TEAD4: variants seen among roughly 807,000 people sequenced by gnomAD.
TEAD4 encodes the protein transcriptional enhancer factor TEF-3.
A neutral mutation model predicts 52.4 loss-of-function variants in TEAD4; 36 were observed. The ratio of observed to expected loss-of-function variants is 0.69; its 90% CI spans 0.53 to 0.91. The LOEUF (loss-of-function observed/expected upper bound fraction) is 0.91, where lower values mean the gene tolerates loss of function less well. TEAD4 is among the 40% of genes least tolerant of loss of function. The probability of loss-of-function intolerance (pLI) is 0.00; values close to 1 mark genes in which losing one functional copy is unlikely to be tolerated. For synonymous variants in TEAD4, 220 were observed against 231.0 expected, an observed-to-expected ratio of 0.95 and a Z score of 0.43; for missense variants, 508 against 583.9, an observed-to-expected ratio of 0.87 and a Z score of 1.34.
At chr12:3,036,174 A>C (rs982049307) in intron 10 of TEAD4, among the ~76,000 whole-genome samples, 1 of 152,176 alleles carries the variant, frequency 6.6e-6, no homozygotes, top group South Asian at 2.1e-4. Flanking sequence ...AGGCAGGTGC[A>C]CTGAACCATA....
chr12:3,009,753 C>T (rs957214265), intron 3 of TEAD4, among the ~76,000 whole-genome samples: 26 of 152,344 alleles, frequency 1.7e-4, no homozygotes, highest in African/African-American at 5.8e-4. Context: ...AGACAGTGTC[C>T]CCAGACTCCG....
intron 2 of TEAD4, among the ~76,000 whole-genome samples, chr12:2,976,427 G>C (rs1292920419): frequency 6.6e-6 from 1 of 152,068 alleles, no homozygotes; most frequent in Non-Finnish European, 1.5e-5. Context: ...GGCTCAAGAG[G>C]CACCACGAAC....
intron 10 of TEAD4, among the ~76,000 whole-genome samples, chr12:3,029,274 G>A (rs1322665006): frequency 4.0e-5 from 5 of 124,138 alleles, no homozygotes; most frequent in Admixed American, 3.4e-4. Context: ...GTCTCACTCT[G>A]TCACCCAGGC....
rs2098245358 is a variant in TEAD4, at chr12:2,994,201, G to A, written c.-29-537G>A. On this transcript the variant is annotated intron_variant, in intron 2 of 12. Transcript: ENST00000359864. The surrounding 1 kb of genome is among the most constrained non-coding windows in gnomAD (Gnocchi z 4.7). ...GCGATTCTCCTTGTCTGAGCCTCCC[G>A]AGTAGCTGTGATTACAGGTGCCCGC... 6.6e-6 allele frequency among the ~76,000 whole-genome samples: 1 copy of A among 151,940 alleles called. No homozygotes were observed. The highest frequency in any genetic ancestry group is 1.5e-5 in the Non-Finnish European group (1 of 67,978).
intron 2 of TEAD4, among the ~76,000 whole-genome samples, chr12:2,980,541 T>G (rs987787602): frequency 6.6e-6 from 1 of 151,390 alleles, no homozygotes; most frequent in Non-Finnish European, 1.5e-5. Flanking sequence ...GAGACCAGTC[T>G]GGCCAACATG....
In TEAD4 at chr12:3,020,628, G is replaced by GTGCAGGGT; in HGVS notation, c.584-4_587dup. ...AGGTTCCATGTGCCTTTCTCACTTT[G>GTGCAGGGT]TGCAGGGTTTGAGTCTCCTGCAGGG... On this transcript the variant is annotated splice_region_variant and splice_polypyrimidine_tract_variant and intron_variant, in intron 8 of 12. Transcript: ENST00000359864. 6.5e-7 allele frequency: 1 copy of GTGCAGGGT among 1,539,060 alleles called. No homozygotes were observed. The highest frequency in any genetic ancestry group is 8.8e-7 in the Non-Finnish European group (1 of 1,140,028).
At chr12:3,009,999 G>A (rs1259696272) in intron 3 of TEAD4, among the ~76,000 whole-genome samples, 1 of 152,188 alleles carries the variant, frequency 6.6e-6, no homozygotes, top group Non-Finnish European at 1.5e-5. Flanking sequence ...ACGGACAGCC[G>A]CAAGCCCTCC....
At chr12:2,977,456 C>A (rs2098230703) in intron 2 of TEAD4, among the ~76,000 whole-genome samples, 1 of 152,236 alleles carries the variant, frequency 6.6e-6, no homozygotes, top group Non-Finnish European at 1.5e-5. Context: ...CCCCTCTCAC[C>A]TGCTCCCCGT....
intron 8 of TEAD4, 128 bp downstream of exon 8, chr12:3,019,298 A>C (rs2098266940): frequency 9.5e-7 from 1 of 1,049,954 alleles, no homozygotes; most frequent in East Asian, 2.5e-5. Flanking sequence ...CACTGACCAC[A>C]CGTCCTAGTC....
chr12:3,004,738 A>G (rs2098254477), intron 3 of TEAD4, among the ~76,000 whole-genome samples: 2 of 152,270 alleles, frequency 1.3e-5, no homozygotes, highest in African/African-American at 4.8e-5. Flanking sequence ...TGAGGTATGC[A>G]GCAAGTGTTC....
chr12:2,975,505 C>T (rs1015189002), intron 2 of TEAD4, among the ~76,000 whole-genome samples: 4 of 152,004 alleles, frequency 2.6e-5, no homozygotes, highest in Non-Finnish European at 5.9e-5. Flanking sequence ...TTTCCTGCCT[C>T]AGCCTCTCAA....
chr12:3,008,514 A>G (rs1001251392), intron 3 of TEAD4, among the ~76,000 whole-genome samples: 1 of 152,162 alleles, frequency 6.6e-6, no homozygotes, highest in African/African-American at 2.4e-5. Flanking sequence ...TTGAATTTCG[A>G]TAGGGTCGCT....
intron 9 of TEAD4, among the ~76,000 whole-genome samples, chr12:3,021,306 TC>T (rs1407373432): frequency 1.1e-4 from 6 of 56,908 alleles, no homozygotes; most frequent in African/African-American, 2.9e-4. Context: ...TCTTCAAACT[TC>T]TTTTTTTTTT....
intron 2 of TEAD4, among the ~76,000 whole-genome samples, chr12:2,984,024 C>T (rs915743476): frequency 6.6e-6 from 1 of 152,134 alleles, no homozygotes; most frequent in Non-Finnish European, 1.5e-5. Context: ...AAGAGTTGGT[C>T]CGGTGAACAA....
At chr12:3,012,302 G>A (rs1412647787) in intron 5 of TEAD4, 70 bp downstream of exon 5, 2 of 1,538,444 alleles carry the variant, frequency 1.3e-6, no homozygotes, top group Admixed American at 1.8e-5. Flanking sequence ...TCCCTTTGGG[G>A]TCAGGGCATC....
At chr12:3,020,872 C>A in intron 9 of TEAD4, 99 bp downstream of exon 9, 1 of 1,327,518 alleles carries the variant, frequency 7.5e-7, no homozygotes, top group Non-Finnish European at 9.9e-7. Flanking sequence ...GGGCTTAATT[C>A]AAGTTCCCTG....
chr12:3,002,818 G>T (rs1336127186), intron 3 of TEAD4, among the ~76,000 whole-genome samples: 4 of 151,700 alleles, frequency 2.6e-5, no homozygotes, highest in African/African-American at 7.3e-5. Flanking sequence ...AGCAGTGCAA[G>T]CTTCTTGGGG....
At chr12:3,037,895 G>A (rs2098280349) in intron 10 of TEAD4, 73 bp from the exon 11 acceptor site, 1 of 1,547,614 alleles carries the variant, frequency 6.5e-7, no homozygotes, top group Admixed American at 1.9e-5. Context: ...CCGGGACCCT[G>A]AGGTCTCCTT....
At chr12:2,960,129 TG>T (rs2098214056) in intron 2 of TEAD4, 89 bp downstream of exon 2, 1 of 179,388 alleles carries the variant, frequency 5.6e-6, no homozygotes, top group Non-Finnish European at 1.1e-5. Flanking sequence ...GGGACGAGAC[TG>T]GGAAGAGCGA....
Sources: allele counts gnomAD v4.1 joint callset (sites outside exome capture counted in the v4.1 genomes callset), GRCh38; gene constraint gnomAD v4.1.1; non-coding constraint Gnocchi (gnomAD v3.1); transcripts MANE v1.5; gene names NCBI Gene and HGNC (gene_info 2026-07-23, HGNC 2026-07-21).